The following PPM1L variants were observed in gnomAD, a reference collection of about 807,000 sequenced individuals.
PPM1L encodes the protein protein phosphatase 1L.
A neutral mutation model predicts 31.4 loss-of-function variants in PPM1L; 13 were observed. The observed-to-expected ratio is 0.41, with a 90% CI of 0.27 to 0.66. The LOEUF (loss-of-function observed/expected upper bound fraction) is 0.66, where lower values mean the gene tolerates loss of function less well. PPM1L is among the 30% of genes least tolerant of loss of function. The pLI is 0.29. For synonymous variants in PPM1L, 184 were observed against 175.4 expected (o/e 1.05, Z -0.39); for missense variants, 326 against 453.7 (o/e 0.72, Z 2.56).
In PPM1L at chr3:161,072,793, CAGCATATCATTG is replaced by C. The variant is rs1719971337; in HGVS notation, c.*3637_*3648del. On this transcript the variant is annotated 3_prime_UTR_variant, in exon 4 of 4. Transcript: ENST00000498165. The stretch of plus-strand genomic sequence containing the variant: ...ATGAAAGGTCTGTGTTTAGAAAAGG[CAGCATATCATTG>C]TATATTTGAAACTATAGGAATATAT... 6.6e-6 allele frequency: 1 copy of C among 152,082 alleles called. No individual in the cohort carries two copies. The highest frequency in any genetic ancestry group is 1.5e-5 in the Non-Finnish European group (1 of 68,030). The allele number at this position is 152,082 out of a possible 1,614,324, so 9.4% of individuals were successfully genotyped here.
chr3:160,825,653 T>A (rs558360623), intron 1 of PPM1L, among the ~76,000 whole-genome samples: 1 of 152,324 alleles, frequency 6.6e-6, no homozygotes, highest in South Asian at 2.1e-4. Context: ...CTGGCGGTGC[T>A]GATTAAATCA....
intron 2 of PPM1L, among the ~76,000 whole-genome samples, chr3:161,048,718 G>T (rs905113790): frequency 1.3e-5 from 2 of 151,870 alleles, no homozygotes; most frequent in African/African-American, 2.4e-5. Flanking sequence ...AAGCAAATGT[G>T]GCATATATAC....
At chr3:160,801,125 T>G (rs1234957434) in intron 1 of PPM1L, among the ~76,000 whole-genome samples, 2 of 117,402 alleles carry the variant, frequency 1.7e-5, no homozygotes, top group Non-Finnish European at 3.4e-5. Flanking sequence ...AAATGTTTAG[T>G]GATACACACA....
chr3:160,925,026 T>C (rs1159419224), intron 1 of PPM1L, among the ~76,000 whole-genome samples: 1 of 152,258 alleles, frequency 6.6e-6, no homozygotes, highest in African/African-American at 2.4e-5. Flanking sequence ...ATTTGTTTTA[T>C]ATTTCCTTTC....
chr3:161,023,311 A>C (rs947026580), intron 2 of PPM1L, among the ~76,000 whole-genome samples: 1 of 151,952 alleles, frequency 6.6e-6, no homozygotes, highest in Admixed American at 6.6e-5. Context: ...ATTTCTTCAA[A>C]TATTCTTTTG....
At chr3:160,757,462 C>A (rs1486617145) in intron 1 of PPM1L, among the ~76,000 whole-genome samples, 7 of 152,378 alleles carry the variant, frequency 4.6e-5, no homozygotes, top group Admixed American at 2.6e-4. Context: ...TTCTAGATTC[C>A]TTTGTTTGTG....
chr3:160,855,947 A>T (rs183407356), intron 1 of PPM1L, among the ~76,000 whole-genome samples: 1 of 152,190 alleles, frequency 6.6e-6, no homozygotes, highest in East Asian at 1.9e-4. Context: ...GGCTCACACG[A>T]TCACAAAGTG....
At position 160,989,360 on chromosome 3, in the gene PPM1L, T is replaced by A. The variant is rs143446743; in HGVS notation, c.574+27450T>A. Among the ~76,000 whole-genome samples, 134 of 151,976 alleles carry A rather than the reference T, an allele frequency of 8.8e-4. 1 individual carries two copies. Among genetic ancestry groups the A allele is most frequent in the East Asian group, 2.9e-3 (15 of 5,184 alleles). On this transcript the variant is annotated intron_variant, in intron 2 of 3. Coordinates refer to ENST00000498165, the MANE Select transcript of PPM1L (RefSeq NM_139245.4). Reference sequence around the variant, plus strand: ...CTTACAGAACCAACCAGCACTTTTTTAAAAAAATAACGATTATTTTATTTA... The same window carrying A: ...CTTACAGAACCAACCAGCACTTTTTAAAAAAAATAACGATTATTTTATTTA...
intron 2 of PPM1L, among the ~76,000 whole-genome samples, chr3:161,027,432 G>A (rs912755249): frequency 1.3e-5 from 2 of 152,202 alleles, no homozygotes; most frequent in African/African-American, 4.8e-5. Context: ...TTAGTTCCCT[G>A]TGACTGGGGA....
At chr3:160,798,041 G>T (rs1712312320) in intron 1 of PPM1L, among the ~76,000 whole-genome samples, 1 of 152,140 alleles carries the variant, frequency 6.6e-6, no homozygotes. Context: ...AGCTGGGCGT[G>T]GTAGTGCGTG....
At chr3:160,878,530 A>T (rs1712594721) in intron 1 of PPM1L, among the ~76,000 whole-genome samples, 1 of 152,178 alleles carries the variant, frequency 6.6e-6, no homozygotes, top group African/African-American at 2.4e-5. Flanking sequence ...TAAGGGCACT[A>T]ACCTTGTCAT....
intron 1 of PPM1L, among the ~76,000 whole-genome samples, chr3:160,875,094 T>C (rs1163373768): frequency 6.6e-6 from 1 of 152,208 alleles, no homozygotes; most frequent in East Asian, 1.9e-4. Flanking sequence ...TTGCATATAT[T>C]ATATGGCATA....
intron 1 of PPM1L, among the ~76,000 whole-genome samples, chr3:160,803,605 G>A (rs1378441601): frequency 1.3e-5 from 2 of 151,448 alleles, no homozygotes; most frequent in African/African-American, 4.9e-5. Flanking sequence ...ATAAAACAAT[G>A]AAAAGTGTTC....
At chr3:160,901,634 C>T (rs542613098) in intron 1 of PPM1L, among the ~76,000 whole-genome samples, 5 of 152,266 alleles carry the variant, frequency 3.3e-5, no homozygotes, top group Admixed American at 1.3e-4. Context: ...CAGGACCCTG[C>T]GCATAGGTCA....
chr3:160,977,179 T>C (rs2108030429), intron 2 of PPM1L, among the ~76,000 whole-genome samples: 1 of 152,346 alleles, frequency 6.6e-6, no homozygotes, highest in African/African-American at 2.4e-5. Flanking sequence ...GTTTCCTTAG[T>C]TGATAAGTTT....
chr3:160,907,493 A>G (rs1259203670), intron 1 of PPM1L, among the ~76,000 whole-genome samples: 1 of 152,046 alleles, frequency 6.6e-6, no homozygotes. Flanking sequence ...TTTTCTCTCA[A>G]GTTTATTTTT....
intron 1 of PPM1L, among the ~76,000 whole-genome samples, chr3:160,836,882 G>T (rs1713733357): frequency 6.6e-6 from 1 of 152,156 alleles, no homozygotes; most frequent in Non-Finnish European, 1.5e-5. Context: ...AAATCTTAAT[G>T]CAAAGTGGCA....
At chr3:160,996,607 G>A (rs1244960120) in intron 2 of PPM1L, among the ~76,000 whole-genome samples, 1 of 152,120 alleles carries the variant, frequency 6.6e-6, no homozygotes, top group African/African-American at 2.4e-5. Context: ...AAAGACATAA[G>A]AATGATACAG....
chr3:161,044,350 T>TTATTTATC (rs754782515), intron 2 of PPM1L, among the ~76,000 whole-genome samples: 8 of 65,836 alleles, frequency 1.2e-4, no homozygotes, highest in African/African-American at 3.3e-4. Context: ...TGCCCTGTAT[T>TTATTTATC]TATTTATTTA....
Sources: allele counts gnomAD v4.1 joint callset (sites outside exome capture counted in the v4.1 genomes callset), GRCh38; gene constraint gnomAD v4.1.1; transcripts MANE v1.5; gene names NCBI Gene and HGNC (gene_info 2026-07-23, HGNC 2026-07-21).